The following LRRIQ1 variants were observed in gnomAD, a reference collection of about 807,000 sequenced individuals.
LRRIQ1 encodes leucine rich repeats and IQ motif containing 1.
Under a neutral mutation model 211.9 loss-of-function variants are expected in LRRIQ1, and 210 were observed. The observed-to-expected ratio is 0.99, with a 90% CI of 0.89 to 1.11. The LOEUF (loss-of-function observed/expected upper bound fraction) is 1.11, where lower values mean the gene tolerates loss of function less well. Among genes scored for constraint, LRRIQ1 ranks in the 50% most tolerant of loss-of-function variants. The probability of loss-of-function intolerance (pLI) is 0.00; values close to 1 mark genes in which losing one functional copy is unlikely to be tolerated. For missense variants in LRRIQ1, 2,136 were observed against 1,939.5 expected (o/e 1.10, Z -1.90); for synonymous variants, 699 against 650.1 (o/e 1.08, Z -1.14).
downstream of LRRIQ1, among the ~76,000 whole-genome samples, chr12:85,266,629 AG>A (rs1351507727): frequency 6.6e-6 from 1 of 152,122 alleles, no homozygotes; most frequent in Non-Finnish European, 1.5e-5. Context: ...AGCCCTCTCT[AG>A]TGGATCTGGA....
At chr12:85,140,109 A>G (rs1889419581) in intron 19 of LRRIQ1, among the ~76,000 whole-genome samples, 1 of 151,312 alleles carries the variant, frequency 6.6e-6, no homozygotes, top group African/African-American at 2.4e-5. Context: ...GCTACTTTCT[A>G]TTCTAAATTT....
At chr12:85,075,505 G>A (rs773770780) in intron 11 of LRRIQ1, among the ~76,000 whole-genome samples, 3 of 152,016 alleles carry the variant, frequency 2.0e-5, no homozygotes, top group Non-Finnish European at 2.9e-5. Context: ...AAAAGCAGGA[G>A]CAAGGGAGAC....
intron 16 of LRRIQ1, among the ~76,000 whole-genome samples, chr12:85,123,149 ATATAT>A (rs1241733605): frequency 1.3e-5 from 2 of 152,066 alleles, no homozygotes; most frequent in Non-Finnish European, 2.9e-5. Flanking sequence ...AATATAAAAC[ATATAT>A]TGGATGAGCC....
intron 19 of LRRIQ1, among the ~76,000 whole-genome samples, chr12:85,145,597 T>C (rs1889837022): frequency 6.6e-6 from 1 of 151,666 alleles, no homozygotes; most frequent in Non-Finnish European, 1.5e-5. Flanking sequence ...CAGCAAGAGC[T>C]TCATGTACCA....
At chr12:85,232,360 G>A (rs1022051754) in intron 25 of LRRIQ1, among the ~76,000 whole-genome samples, 1 of 152,008 alleles carries the variant, frequency 6.6e-6, no homozygotes, top group African/African-American at 2.4e-5. Context: ...ACTAAAACAT[G>A]TAAGCAAATA....
chr12:85,121,984 A>T (rs1888021939), intron 16 of LRRIQ1, 108 bp downstream of exon 16: 1 of 947,294 alleles, frequency 1.1e-6, no homozygotes, highest in Admixed American at 3.9e-5. Context: ...GGATTAGAAC[A>T]GTGTGTTTTG....
chr12:85,157,117 A>G (rs1890595248), intron 23 of LRRIQ1, among the ~76,000 whole-genome samples: 1 of 151,904 alleles, frequency 6.6e-6, no homozygotes, highest in Admixed American at 6.6e-5. Context: ...TTAATTTAAG[A>G]AAGTAGAATG....
chr12:85,134,679 G>C (rs1018995492), intron 18 of LRRIQ1, among the ~76,000 whole-genome samples: 1 of 152,006 alleles, frequency 6.6e-6, no homozygotes. Flanking sequence ...GTAAGATCAC[G>C]TGAAGCTTGA....
At chr12:85,211,196 A>T (rs188127823) in intron 24 of LRRIQ1, among the ~76,000 whole-genome samples, 1 of 152,330 alleles carries the variant, frequency 6.6e-6, no homozygotes, top group East Asian at 1.9e-4. Context: ...AGAAGTCATG[A>T]TATAGAAAAA....
intron 7 of LRRIQ1, among the ~76,000 whole-genome samples, chr12:85,052,659 A>G (rs1246384264): frequency 4.6e-5 from 7 of 152,104 alleles, no homozygotes; most frequent in Non-Finnish European, 7.4e-5. Flanking sequence ...TTCATATACA[A>G]TTATTTTAAG....
intron 15 of LRRIQ1, 50 bp from the exon 16 acceptor site, chr12:85,121,647 A>G (rs1565848141): frequency 1.5e-6 from 2 of 1,375,848 alleles, no homozygotes; most frequent in Non-Finnish European, 2.0e-6. Context: ...TTAGATACAT[A>G]CTCTCCTTAT....
chr12:85,151,891 C>G (rs1890266835), intron 19 of LRRIQ1, among the ~76,000 whole-genome samples: 1 of 151,514 alleles, frequency 6.6e-6, no homozygotes, highest in Non-Finnish European at 1.5e-5. Context: ...AAAATTGACA[C>G]TAACATATTA....
chr12:85,261,947 C>A (rs1003692358), intron 1 of LRRIQ1, among the ~76,000 whole-genome samples: 1 of 151,906 alleles, frequency 6.6e-6, no homozygotes, highest in African/African-American at 2.4e-5. Flanking sequence ...TGCGCCACCA[C>A]GCCCGGCTAA....
At chr12:85,201,604 TTTTGTA>T (rs1345494775) in intron 24 of LRRIQ1, among the ~76,000 whole-genome samples, 1 of 152,170 alleles carries the variant, frequency 6.6e-6, no homozygotes, top group Non-Finnish European at 1.5e-5. Context: ...TCTGAAGGTT[TTTTGTA>T]TTTCTCTAGG....
chr12:85,142,776 T>C (rs80255167), intron 19 of LRRIQ1, among the ~76,000 whole-genome samples: 3,739 of 151,670 alleles, frequency 0.025, 159 homozygotes, highest in East Asian at 0.2. Context: ...CTTCGTTCAT[T>C]CACGTTGTTG....
At chr12:85,095,890 G>A (rs921099983) in intron 11 of LRRIQ1, among the ~76,000 whole-genome samples, 1 of 152,058 alleles carries the variant, frequency 6.6e-6, no homozygotes, top group Non-Finnish European at 1.5e-5. Context: ...AAGGTTGTGT[G>A]TTTCCAAGAA....
chr12:85,054,181 T>C (rs1880694502), intron 7 of LRRIQ1, among the ~76,000 whole-genome samples: 1 of 152,148 alleles, frequency 6.6e-6, no homozygotes, highest in Non-Finnish European at 1.5e-5. Flanking sequence ...GTTTAAGATA[T>C]GACAGTACAT....
chr12:85,046,466 G>A (rs978272420), intron 5 of LRRIQ1, among the ~76,000 whole-genome samples: 2 of 151,942 alleles, frequency 1.3e-5, no homozygotes, highest in African/African-American at 4.8e-5. Context: ...ATTAAGTTTT[G>A]TGGAATATTT....
intron 24 of LRRIQ1, among the ~76,000 whole-genome samples, chr12:85,174,701 CAAAAAA>C (rs71076115): frequency 3.2e-4 from 7 of 21,598 alleles, no homozygotes; most frequent in South Asian, 1.5e-3. Context: ...GAGTACAGCT[CAAAAAA>C]AAAAAAAAAA....
Sources: allele counts gnomAD v4.1 joint callset (sites outside exome capture counted in the v4.1 genomes callset), GRCh38; gene constraint gnomAD v4.1.1; transcripts MANE v1.5; gene names NCBI Gene and HGNC (gene_info 2026-07-23, HGNC 2026-07-21).